CTPS2: variants seen among roughly 807,000 people sequenced by gnomAD.
CTPS2 encodes the protein CTP synthase 2, also known as CTP synthase II.
In CTPS2, 19 loss-of-function variants were observed where a neutral mutation model predicts 46.8. The ratio of observed to expected loss-of-function variants is 0.41; its 90% confidence interval spans 0.28 to 0.60. The LOEUF (loss-of-function observed/expected upper bound fraction) is 0.60, where lower values mean the gene tolerates loss of function less well. CTPS2 is among the 20% of genes least tolerant of loss of function. CTPS2 has a pLI of 0.35. For synonymous variants in CTPS2, 151 were observed against 165.2 expected, an observed-to-expected ratio of 0.91 and a Z score of 0.66; for missense variants, 286 against 447.6, an observed-to-expected ratio of 0.64 and a Z score of 3.26.
intron 13 of CTPS2, among the ~76,000 whole-genome samples, chrX:16,659,414 G>A (rs1932891955): frequency 9.0e-6 from 1 of 110,870 alleles, no homozygotes; most frequent in South Asian, 3.8e-4. Context: ...GCAGCAGTGG[G>A]CATTCAGAAA....
intron 15 of CTPS2, 95 bp downstream of exon 15, chrX:16,620,182 A>T: frequency 1.4e-6 from 1 of 721,331 alleles, no homozygotes. Context: ...GAATACCACC[A>T]GGCTAGACAC....
intron 1 of CTPS2, among the ~76,000 whole-genome samples, chrX:16,708,988 A>C (rs1264460923): frequency 9.1e-6 from 1 of 110,407 alleles, no homozygotes; most frequent in Non-Finnish European, 1.9e-5. Flanking sequence ...AGGCGCCTGT[A>C]ATCCCAGCTA....
intron 13 of CTPS2, chrX:16,654,331 T>C: frequency 1.4e-6 from 1 of 692,169 alleles, no homozygotes; most frequent in Non-Finnish European, 2.1e-6. Flanking sequence ...GGCCTCTAAT[T>C]TCTGAGAATG....
chrX:16,590,576 C>T (rs1204033412), intron 18 of CTPS2, among the ~76,000 whole-genome samples, 176 bp downstream of exon 18: 1 of 111,079 alleles, frequency 9.0e-6, no homozygotes, highest in African/African-American at 3.3e-5. Context: ...TTCCATTTTC[C>T]CCAAACACTA....
chrX:16,617,329 T>A, intron 15 of CTPS2, 83 bp from the exon 16 acceptor site: 1 of 655,616 alleles, frequency 1.5e-6, no homozygotes, highest in South Asian at 3.2e-5. Flanking sequence ...TGGGTGGGTT[T>A]TCCATTTCAG....
chrX:16,654,227 G>C (rs1224548145), intron 13 of CTPS2, among the ~76,000 whole-genome samples: 1 of 112,640 alleles, frequency 8.9e-6, no homozygotes, highest in East Asian at 2.8e-4. Context: ...CTATGACACG[G>C]AGCAATACAA....
intron 13 of CTPS2, among the ~76,000 whole-genome samples, chrX:16,665,416 T>A (rs1921091469): frequency 8.9e-6 from 1 of 112,792 alleles, no homozygotes. Context: ...CATGTCCATA[T>A]AATGAAATAT....
chrX:16,706,632 G>A (rs1310265932), intron 1 of CTPS2, among the ~76,000 whole-genome samples: 11 of 110,522 alleles, frequency 1.0e-4, no homozygotes, highest in Admixed American at 4.9e-4. Context: ...AGGCCAAGGC[G>A]GGTGGATCAC....
At chrX:16,663,937 G>A (rs1214201309) in intron 13 of CTPS2, among the ~76,000 whole-genome samples, 1 of 110,915 alleles carries the variant, frequency 9.0e-6, no homozygotes, top group Non-Finnish European at 1.9e-5. Flanking sequence ...CTGGGTTCAC[G>A]CCATTCTCCT....
At position 16,617,908 on chromosome X, in the gene CTPS2, A is replaced by T. The variant is rs962155206; in HGVS notation, c.1450-662T>A. Among the ~76,000 whole-genome samples, 12 of 112,114 alleles carry T rather than the reference A, an allele frequency of 1.1e-4. No individual in the cohort carries two copies. In the Admixed American group the frequency reaches 1.1e-3, roughly 11 times the overall value. On this transcript the variant is annotated intron_variant, in intron 15 of 18. Transcript: ENST00000359276. ...CCTCAGAGCTTTTATTCTACATTTTAAAATTATACCAGTTCTCGTATTGTC... is the reference window on the plus strand; with the variant it reads ...CCTCAGAGCTTTTATTCTACATTTTTAAATTATACCAGTTCTCGTATTGTC...
intron 13 of CTPS2, among the ~76,000 whole-genome samples, chrX:16,650,446 C>T (rs1037106727): frequency 3.7e-5 from 4 of 109,522 alleles, no homozygotes; most frequent in Non-Finnish European, 7.6e-5. Flanking sequence ...AAATGTTTGG[C>T]TCCAGGGACC....
At chrX:16,679,831 A>G (rs1922589376) in intron 9 of CTPS2, among the ~76,000 whole-genome samples, 1 of 111,534 alleles carries the variant, frequency 9.0e-6, no homozygotes, top group South Asian at 3.8e-4. Flanking sequence ...ACATGCTGGC[A>G]CCCTAATCTT....
chrX:16,648,877 C>G (rs972110156), intron 13 of CTPS2, among the ~76,000 whole-genome samples: 3 of 112,049 alleles, frequency 2.7e-5, no homozygotes, highest in African/African-American at 9.7e-5. Flanking sequence ...TGAGAAACAT[C>G]AGGGAGAAAT....
At chrX:16,662,899 A>C (rs1353567198) in intron 13 of CTPS2, among the ~76,000 whole-genome samples, 1 of 111,385 alleles carries the variant, frequency 9.0e-6, no homozygotes, top group East Asian at 2.8e-4. Context: ...CCCTTCTAGG[A>C]ATCTATCCCT....
In CTPS2 at chrX:16,609,642, A is replaced by G; in HGVS notation, c.1590T>C (p.Ser530=). 8.3e-7 allele frequency: 1 copy of G among 1,211,492 alleles called. No homozygotes were observed. The highest frequency in any genetic ancestry group is 1.8e-5 in the South Asian group (1 of 56,910). Reference sequence around the variant, plus strand: ...GAGGGGAAGGCTTCATCGGCCTAGAAGAAAACTCAGGATGGAACTGGACAC... The same window carrying G: ...GAGGGGAAGGCTTCATCGGCCTAGAGGAAAACTCAGGATGGAACTGGACAC... ...FVGVQFHPEF[S]SRPMKPSPPY... is the part of the protein sequence containing the mutation. Residue 530 remains serine (S), a synonymous_variant, in exon 17 of 19, where the codon TCT becomes TCC. Transcript: ENST00000359276.
intron 10 of CTPS2, among the ~76,000 whole-genome samples, chrX:16,677,217 G>T: frequency 9.0e-6 from 1 of 111,636 alleles, no homozygotes; most frequent in Admixed American, 9.6e-5. Flanking sequence ...GTTTACTTGG[G>T]ATAATTTTTT....
At chrX:16,659,998 TATGA>T (rs1932907967) in intron 13 of CTPS2, among the ~76,000 whole-genome samples, 1 of 112,187 alleles carries the variant, frequency 8.9e-6, no homozygotes, top group African/African-American at 3.2e-5. Context: ...TCTTGGCTAC[TATGA>T]ATAATGCTGC....
chrX:16,657,318 T>C (rs7888210), intron 13 of CTPS2, among the ~76,000 whole-genome samples: 19,725 of 106,234 alleles, frequency 0.19, 1,769 homozygotes, highest in African/African-American at 0.33. Context: ...CACGTACCCA[T>C]GCTCCCACCT....
intron 11 of CTPS2, among the ~76,000 whole-genome samples, chrX:16,669,423 G>A (rs1001945015): frequency 9.2e-5 from 10 of 109,178 alleles, no homozygotes; most frequent in African/African-American, 3.3e-4. Context: ...AGTGCTGGGG[G>A]GTGGGGGTGG....
Sources: allele counts gnomAD v4.1 joint callset (sites outside exome capture counted in the v4.1 genomes callset), GRCh38; gene constraint gnomAD v4.1.1; transcripts MANE v1.5; gene names NCBI Gene and HGNC (gene_info 2026-07-23, HGNC 2026-07-21).